KALRN: variants seen among roughly 807,000 people sequenced by gnomAD.
The protein encoded by KALRN is kalirin.
In KALRN, 70 loss-of-function variants were observed where a neutral mutation model predicts 353.7. The ratio of observed to expected loss-of-function variants is 0.20; its 90% CI spans 0.16 to 0.24. The LOEUF is 0.24. Ranked by LOEUF, KALRN falls within the 10% of genes least tolerant of loss-of-function variation. The pLI is 1.00. For missense variants in KALRN, 2,791 were observed against 3,756.7 expected, an observed-to-expected ratio of 0.74 and a Z score of 6.72; for synonymous variants, 1,391 against 1,434.8, an observed-to-expected ratio of 0.97 and a Z score of 0.69.
chr3:124,462,326 G>A (rs140291341), intron 24 of KALRN, among the ~76,000 whole-genome samples, 198 bp from the exon 25 acceptor site: 2 of 152,178 alleles, frequency 1.3e-5, no homozygotes, highest in African/African-American at 4.8e-5. Context: ...TGGAGTTTGT[G>A]TTCTTGCTAA....
At chr3:124,060,226 G>A (rs1388386457) in intron 1 of KALRN, among the ~76,000 whole-genome samples, 1 of 152,152 alleles carries the variant, frequency 6.6e-6, no homozygotes, top group African/African-American at 2.4e-5. Flanking sequence ...TAAAATGAGC[G>A]GGAGGTGAAT....
In KALRN at chr3:124,462,026, A is replaced by G. The variant is rs1033001287; in HGVS notation, c.3921+70A>G. On this transcript the variant is annotated intron_variant, in intron 24 of 59. Transcript: ENST00000682506. Reference sequence around the variant, plus strand: ...CATCCTTGCCAGCATCAAGTCCTCAATTGGAATTTGGTGCTATTGGTCTTC... The same window carrying G: ...CATCCTTGCCAGCATCAAGTCCTCAGTTGGAATTTGGTGCTATTGGTCTTC... 18 of 1,183,660 alleles carry G rather than the reference A, an allele frequency of 1.5e-5. No homozygotes were observed. The African/African-American group carries it at 1.7e-4, about 11-fold the overall frequency. The allele number at this position is 1,183,660 out of a possible 1,614,324, so 73.3% of individuals were successfully genotyped here. A position where few individuals can be genotyped will look rare whatever the true frequency, so the allele number is the denominator to read the frequency against.
chr3:124,202,314 G>A (rs778408987), intron 1 of KALRN, among the ~76,000 whole-genome samples: 22 of 152,038 alleles, frequency 1.4e-4, no homozygotes, highest in Non-Finnish European at 2.5e-4. Flanking sequence ...GCAGTGGTGC[G>A]ATCACAGGTC....
chr3:124,409,038 T>G (rs2091893096), intron 13 of KALRN, among the ~76,000 whole-genome samples: 1 of 152,224 alleles, frequency 6.6e-6, no homozygotes, highest in Non-Finnish European at 1.5e-5. Context: ...TTTTGGCACT[T>G]TCTCTGATTT....
chr3:124,343,552 C>T (rs959390126), intron 9 of KALRN, among the ~76,000 whole-genome samples: 1 of 152,176 alleles, frequency 6.6e-6, no homozygotes, highest in Non-Finnish European at 1.5e-5. Flanking sequence ...TGGATTCTCC[C>T]GTTCAGCACA....
At chr3:124,109,677 T>C (rs2062657724) in intron 1 of KALRN, among the ~76,000 whole-genome samples, 1 of 149,028 alleles carries the variant, frequency 6.7e-6, no homozygotes, top group Non-Finnish European at 1.5e-5. Flanking sequence ...TACTTTGATA[T>C]ACATATCATA....
rs1217069904 is a variant in KALRN, at chr3:124,495,955, GTGTATGTATGTATA to G, written c.4833-354_4833-341del. On this transcript the variant is annotated intron_variant, in intron 32 of 59. Transcript: ENST00000682506. ...CAGACCCGTTCCCAAGTGTGTGTAT[GTGTATGTATGTATA>G]TATATATATATATATATATATATAT... Among the ~76,000 whole-genome samples the G allele has an allele frequency of 3.3e-4, 9 of 27,428 alleles. 2 individuals are homozygous for G. Among genetic ancestry groups the G allele is most frequent in the South Asian group, 1.3e-3 (1 of 778 alleles). 18.0% of individuals were successfully genotyped at this position (27,428 alleles called of 152,430 possible). A position where few individuals can be genotyped will look rare whatever the true frequency, so the allele number is the denominator to read the frequency against.
At chr3:124,375,211 C>G (rs528237454) in intron 10 of KALRN, among the ~76,000 whole-genome samples, 1 of 152,244 alleles carries the variant, frequency 6.6e-6, no homozygotes, top group East Asian at 1.9e-4. Flanking sequence ...CTGGCTATAT[C>G]CGGGGCCTGC....
chr3:124,620,096 T>G (rs532363839), intron 34 of KALRN, among the ~76,000 whole-genome samples: 10 of 152,180 alleles, frequency 6.6e-5, no homozygotes, highest in African/African-American at 2.2e-4. Context: ...TTTTGTTTTG[T>G]TTTGGTTTTG....
chr3:124,099,992 C>T (rs193222425), intron 1 of KALRN, among the ~76,000 whole-genome samples: 134 of 152,194 alleles, frequency 8.8e-4, no homozygotes, highest in East Asian at 8.2e-3. Context: ...GGTGAAACTC[C>T]ATCTCTACTA....
At chr3:124,151,905 GAGC>G in intron 1 of KALRN, 1 of 655,146 alleles carries the variant, frequency 1.5e-6, no homozygotes, top group Non-Finnish European at 2.7e-6. Flanking sequence ...TTCAATTTGA[GAGC>G]AGGTACTGTT....
intron 10 of KALRN, among the ~76,000 whole-genome samples, chr3:124,359,991 G>A (rs1215048675): frequency 6.6e-6 from 1 of 152,258 alleles, no homozygotes; most frequent in Non-Finnish European, 1.5e-5. Context: ...TTATGGAAGA[G>A]ATGGGTGCCT....
chr3:124,586,280 G>T (rs1329055766), intron 34 of KALRN, among the ~76,000 whole-genome samples: 1 of 152,190 alleles, frequency 6.6e-6, no homozygotes, highest in African/African-American at 2.4e-5. Flanking sequence ...AATCTGAGTG[G>T]GTGGGTTCGC....
intron 14 of KALRN, 117 bp from the exon 15 acceptor site, chr3:124,422,695 T>G (rs2092834708): frequency 2.6e-6 from 2 of 780,130 alleles, no homozygotes; most frequent in South Asian, 3.8e-5. Flanking sequence ...TATTTAGGGT[T>G]TGGGAGGGTA....
chr3:124,300,722 C>T (rs2077198843), intron 6 of KALRN, among the ~76,000 whole-genome samples: 1 of 152,140 alleles, frequency 6.6e-6, no homozygotes, highest in Non-Finnish European at 1.5e-5. Context: ...TAGAGGTGAA[C>T]ATCATGAGAC....
chr3:124,539,331 T>G (rs1022455610), intron 33 of KALRN, among the ~76,000 whole-genome samples: 2 of 152,192 alleles, frequency 1.3e-5, no homozygotes, highest in African/African-American at 4.8e-5. Context: ...AATGCATTGA[T>G]CCTCTGAGGG....
chr3:124,391,860 T>C (rs558818525), intron 11 of KALRN, among the ~76,000 whole-genome samples: 197 of 152,316 alleles, frequency 1.3e-3, no homozygotes, highest in African/African-American at 4.6e-3. Flanking sequence ...TTTTAGTTTC[T>C]AGGCTTTCCT....
chr3:124,627,511 G>A (rs1258204359), intron 34 of KALRN, among the ~76,000 whole-genome samples: 1 of 152,198 alleles, frequency 6.6e-6, no homozygotes, highest in Non-Finnish European at 1.5e-5. Context: ...AGAAATCTTA[G>A]GCAGTCATCT....
intron 34 of KALRN, among the ~76,000 whole-genome samples, chr3:124,606,019 C>T (rs2077312349): frequency 6.6e-6 from 1 of 150,700 alleles, no homozygotes; most frequent in South Asian, 2.1e-4. Flanking sequence ...ACTTCACCCT[C>T]CTTTATCATT....
Sources: allele counts gnomAD v4.1 joint callset (sites outside exome capture counted in the v4.1 genomes callset), GRCh38; gene constraint gnomAD v4.1.1; transcripts MANE v1.5; gene names NCBI Gene and HGNC (gene_info 2026-07-23, HGNC 2026-07-21).